RANBP17: variants seen among roughly 807,000 people sequenced by gnomAD.
RANBP17 encodes the protein RAN binding protein 17, also known as ran-binding protein 17.
RANBP17 carries 158 observed loss-of-function variants against 141.2 expected under a neutral mutation model. The observed-to-expected ratio is 1.12, with a 90% confidence interval of 0.98 to 1.28. The LOEUF is 1.28. Among genes scored for constraint, RANBP17 ranks in the 50% most tolerant of loss-of-function variants. The pLI is 0.00. For missense variants in RANBP17, 1,438 were observed against 1,290.7 expected, an observed-to-expected ratio of 1.11 and a Z score of -1.75; for synonymous variants, 430 against 450.0, an observed-to-expected ratio of 0.96 and a Z score of 0.56.
At chr5:171,132,377 GTT>G (rs201206737) in intron 14 of RANBP17, among the ~76,000 whole-genome samples, 3 of 143,202 alleles carry the variant, frequency 2.1e-5, no homozygotes, top group Non-Finnish European at 3.1e-5. Flanking sequence ...GACTTTAGTT[GTT>G]TTTTTTTTTT....
chr5:170,985,130 AAC>A (rs1426245322), intron 14 of RANBP17, among the ~76,000 whole-genome samples: 2 of 150,008 alleles, frequency 1.3e-5, no homozygotes, highest in African/African-American at 2.5e-5. Context: ...TACATACACA[AAC>A]ACAGACACAC....
chr5:171,191,176 G>T (rs181681372), intron 18 of RANBP17, among the ~76,000 whole-genome samples: 1 of 152,178 alleles, frequency 6.6e-6, no homozygotes, highest in East Asian at 1.9e-4. Flanking sequence ...AAGAAATCTT[G>T]AATGACGAAT....
chr5:171,038,171 T>C (rs1052307396), intron 14 of RANBP17, among the ~76,000 whole-genome samples: 3 of 151,022 alleles, frequency 2.0e-5, no homozygotes, highest in Non-Finnish European at 3.0e-5. Flanking sequence ...ATTGTGTGTG[T>C]GTGTGTGTGT....
rs889114790 is a variant in RANBP17 at position 171,171,132 on chromosome 5, T to G, written c.1785-74T>G. 11 of 768,800 alleles carry G rather than the reference T, an allele frequency of 1.4e-5. No homozygotes were observed. The Admixed American group carries it at 2.8e-4, about 19-fold the overall frequency. 47.6% of individuals were successfully genotyped at this position (768,800 alleles called of 1,614,324 possible). A position where few individuals can be genotyped will look rare whatever the true frequency, so the allele number is the denominator to read the frequency against. On this transcript the variant is annotated intron_variant, in intron 15 of 27. Transcript: ENST00000523189. The stretch of plus-strand genomic sequence containing the variant: ...TTTAGGTCATCAAACTTACATAAAT[T>G]TATGTGTATTCTCTGGTTCTCCTTA...
chr5:171,277,864 G>T (rs1282687706), intron 25 of RANBP17, among the ~76,000 whole-genome samples: 1 of 147,022 alleles, frequency 6.8e-6, no homozygotes, highest in Admixed American at 6.8e-5. Flanking sequence ...TGGAAGAGTG[G>T]CAGGAAGAGC....
At chr5:171,278,705 C>A (rs375567786) in intron 25 of RANBP17, among the ~76,000 whole-genome samples, 1 of 152,128 alleles carries the variant, frequency 6.6e-6, no homozygotes, top group Admixed American at 6.5e-5. Flanking sequence ...CTGAGAAATA[C>A]CCTGCCAGCT....
chr5:171,152,684 C>T (rs1758579458), intron 14 of RANBP17, among the ~76,000 whole-genome samples: 1 of 152,108 alleles, frequency 6.6e-6, no homozygotes. Flanking sequence ...TCATACTGTT[C>T]TCTTCCTCCT....
At chr5:171,072,632 G>A (rs1417352982) in intron 14 of RANBP17, among the ~76,000 whole-genome samples, 2 of 152,102 alleles carry the variant, frequency 1.3e-5, no homozygotes, top group African/African-American at 2.4e-5. Flanking sequence ...AATAAATAAT[G>A]GCAAGGATCT....
chr5:171,253,153 C>T (rs961215598), intron 24 of RANBP17, among the ~76,000 whole-genome samples: 1 of 152,126 alleles, frequency 6.6e-6, no homozygotes, highest in African/African-American at 2.4e-5. Flanking sequence ...CAAGCCCTTC[C>T]GATCACAGTA....
rs1763127165 is a variant in RANBP17, at chr5:171,214,946, T to TGCACC, written c.2339+1208_2339+1209insGCACC. Among the ~76,000 whole-genome samples, 3 of 152,246 alleles carry TGCACC rather than the reference T, an allele frequency of 2.0e-5. No individual in the cohort carries two copies. The East Asian group carries it at 5.8e-4, about 29-fold the overall frequency. On this transcript the variant is annotated intron_variant, in intron 21 of 27. Coordinates refer to ENST00000523189, the MANE Select transcript of RANBP17 (RefSeq NM_022897.5). ...GTGCAGAACATGCAGGTTTGTTACATAGGTATACATGTGCCATGGTGGTTT... is the reference window on the plus strand; with the variant it reads ...GTGCAGAACATGCAGGTTTGTTACATGCACCAGGTATACATGTGCCATGGTGGTTT...
chr5:171,052,307 T>G (rs921375768), intron 14 of RANBP17, among the ~76,000 whole-genome samples: 2 of 152,184 alleles, frequency 1.3e-5, no homozygotes, highest in African/African-American at 2.4e-5. Context: ...TTGAGTCAAA[T>G]CTAAGAATTT....
intron 13 of RANBP17, among the ~76,000 whole-genome samples, chr5:170,967,625 G>T (rs565810382): frequency 6.6e-6 from 1 of 151,008 alleles, no homozygotes; most frequent in Non-Finnish European, 1.5e-5. Context: ...TAATAGTTTT[G>T]AATAATAATA....
chr5:171,072,032 G>A (rs1784663666), intron 14 of RANBP17, among the ~76,000 whole-genome samples: 1 of 152,106 alleles, frequency 6.6e-6, no homozygotes, highest in Admixed American at 6.6e-5. Context: ...GGACTCTGAA[G>A]AACTTGCCAG....
intron 24 of RANBP17, among the ~76,000 whole-genome samples, chr5:171,244,864 G>A (rs1027552752): frequency 3.3e-5 from 5 of 152,032 alleles, no homozygotes; most frequent in African/African-American, 7.2e-5. Flanking sequence ...GGTGGCTCAC[G>A]CCTGTAATCC....
intron 14 of RANBP17, among the ~76,000 whole-genome samples, chr5:171,134,193 C>A (rs1318636652): frequency 6.6e-6 from 1 of 152,172 alleles, no homozygotes. Flanking sequence ...GGCTCTTCTT[C>A]CCCTTTAGGT....
intron 12 of RANBP17, among the ~76,000 whole-genome samples, chr5:170,931,873 T>G (rs1442413271): frequency 1.3e-5 from 2 of 152,194 alleles, no homozygotes; most frequent in Non-Finnish European, 2.9e-5. Context: ...TTGCTTAGGA[T>G]TGTCTTGGCA....
rs1407404138 is a variant in RANBP17, at chr5:170,932,754, GA to G, written c.1468+8206del. On this transcript the variant is annotated intron_variant, in intron 12 of 27. Transcript: ENST00000523189. The stretch of plus-strand genomic sequence containing the variant: ...TGAACCAGCCTTGCATCCCAGGGAT[GA>G]AGCCAACTTGATCGTGGTGGATAAG... Among the ~76,000 whole-genome samples, 10 of 152,274 alleles carry G rather than the reference GA, an allele frequency of 6.6e-5. No homozygotes were observed. The South Asian group carries it at 8.3e-4, about 13-fold the overall frequency.
Position 170,894,288 on chromosome 5 carries a change from A to T in RANBP17, c.423+1735A>T, listed in dbSNP as rs551220676. On this transcript the variant is annotated intron_variant, in intron 4 of 27. Coordinates refer to ENST00000523189, the MANE Select transcript of RANBP17 (RefSeq NM_022897.5). The stretch of plus-strand genomic sequence containing the variant: ...GAGGCGACCATGCAGTTCTTTAAAA[A>T]TAAAGTCAGGGTTGAAATTGAATGA... 3.3e-5 allele frequency among the ~76,000 whole-genome samples: 5 copies of T among 152,200 alleles called. No homozygotes were observed. The East Asian group carries it at 9.7e-4, about 29-fold the overall frequency.
intron 7 of RANBP17, among the ~76,000 whole-genome samples, chr5:170,913,382 A>G (rs1215749301): frequency 6.6e-6 from 1 of 151,970 alleles, no homozygotes; most frequent in Non-Finnish European, 1.5e-5. Flanking sequence ...GATGCTATTG[A>G]TGGTGTGGAA....
Sources: gnomAD v4.1 joint callset for allele counts (sites outside exome capture counted in the v4.1 genomes callset) on GRCh38, gnomAD v4.1.1 for gene constraint, MANE v1.5 for transcripts, NCBI Gene and HGNC (gene_info 2026-07-23, HGNC 2026-07-21) for gene names.